The following AGPAT3 variants were observed in gnomAD, a reference collection of about 807,000 sequenced individuals.
AGPAT3 encodes 1-acylglycerol-3-phosphate O-acyltransferase 3.
In AGPAT3, 5 loss-of-function variants were observed where a neutral mutation model predicts 47.3. That is an observed-to-expected ratio of 0.11 (90% CI 0.06 to 0.22). The LOEUF is 0.22. Among genes scored for constraint, AGPAT3 ranks in the 10% least tolerant of loss-of-function variants. The pLI is 1.00. For missense variants in AGPAT3, 315 were observed against 493.0 expected, an observed-to-expected ratio of 0.64 and a Z score of 3.42; for synonymous variants, 212 against 208.3, an observed-to-expected ratio of 1.02 and a Z score of -0.15.
chr21:43,874,145 C>T (rs2085684076), intron 1 of AGPAT3, among the ~76,000 whole-genome samples: 1 of 152,226 alleles, frequency 6.6e-6, no homozygotes, highest in Admixed American at 6.5e-5. Context: ...CCTGCCTCAG[C>T]CACCTGAGTA....
chr21:43,912,112 CG>C (rs1289137710), intron 2 of AGPAT3, among the ~76,000 whole-genome samples: 2 of 152,228 alleles, frequency 1.3e-5, no homozygotes, highest in Non-Finnish European at 2.9e-5. Flanking sequence ...TGAGCATTGC[CG>C]TAAGTGTTCA....
rs2087554160 is a variant in AGPAT3, at chr21:43,939,085, G to A, written c.-48-20549G>A. ...AGGGCTGGGACGGGGCTGCGACCAG[G>A]CTAGGGGAGCATCCTGGGCAAACCC... is the stretch of plus-strand genomic sequence containing the variant. On this transcript the variant is annotated intron_variant, in intron 2 of 9. Transcript: ENST00000291572. The surrounding 1 kb of genome is among the most constrained non-coding windows in gnomAD (Gnocchi z 4.4). Among the ~76,000 whole-genome samples, 1 of 152,202 alleles carries A rather than the reference G, an allele frequency of 6.6e-6. No individual in the cohort carries two copies. The highest frequency in any genetic ancestry group is 1.5e-5 in the Non-Finnish European group (1 of 68,024).
chr21:43,954,449 A>T lies in AGPAT3; in HGVS notation c.-48-5185A>T, dbSNP rs1024243073. Reference sequence around the variant, plus strand: ...GGCAGGCGGGCGGGAGAGGCCCCTGAGTTCCGCTAGCTGGAATTAAGCAGG... The same window carrying T: ...GGCAGGCGGGCGGGAGAGGCCCCTGTGTTCCGCTAGCTGGAATTAAGCAGG... On this transcript the variant is annotated intron_variant, in intron 2 of 9. Transcript: ENST00000291572. The surrounding 1 kb of genome is among the most constrained non-coding windows in gnomAD (Gnocchi z 4.0). The T allele has an allele frequency of 1.3e-5, 2 of 152,374 alleles. No homozygotes were observed. The highest frequency in any genetic ancestry group is 4.8e-5 in the African/African-American group (2 of 41,468). The allele number at this position is 152,374 out of a possible 1,614,324, so 9.4% of individuals were successfully genotyped here. A position where few individuals can be genotyped will look rare whatever the true frequency, so the allele number is the denominator to read the frequency against.
rs988233588 is a variant in AGPAT3 at position 43,986,092 on chromosome 21, TC to T, written c.*3702del. The T allele has an allele frequency of 1.3e-5, 2 of 152,264 alleles. No homozygotes were observed. The highest frequency in any genetic ancestry group is 2.9e-5 in the Non-Finnish European group (2 of 68,062). The allele number at this position is 152,264 out of a possible 1,614,324, so 9.4% of individuals were successfully genotyped here. On this transcript the variant is annotated 3_prime_UTR_variant, in exon 10 of 10. Transcript: ENST00000291572. Reference sequence around the variant, plus strand: ...GGGGCCGACCTGGGGGATGCAGACATCCGGCTCCGTATTCCTGCCTATCGGG... The same window carrying T: ...GGGGCCGACCTGGGGGATGCAGACATCGGCTCCGTATTCCTGCCTATCGGG...
intron 2 of AGPAT3, among the ~76,000 whole-genome samples, chr21:43,923,126 G>A (rs909694140): frequency 1.7e-4 from 26 of 152,092 alleles, no homozygotes; most frequent in African/African-American, 2.9e-4. Flanking sequence ...CCAGCCAGGC[G>A]TGCCATGAGG....
chr21:43,888,766 G>A (rs560710821), intron 1 of AGPAT3, among the ~76,000 whole-genome samples: 2 of 152,298 alleles, frequency 1.3e-5, no homozygotes, highest in East Asian at 3.9e-4. Flanking sequence ...CAAGGCGAGC[G>A]GATCATGAGG....
rs187573858 is a variant in AGPAT3, at chr21:43,871,849, G to A, written c.-112+6504G>A. On this transcript the variant is annotated intron_variant, in intron 1 of 9. Coordinates refer to ENST00000291572, the MANE Select transcript of AGPAT3 (RefSeq NM_020132.5). ...TGCATTATATATTTTTCCCAGTTGG[G>A]TTTTATCTTTTCACTTTTTTTGTTT... Among the ~76,000 whole-genome samples the A allele has an allele frequency of 5.5e-4, 83 of 152,166 alleles. 1 individual carries two copies. Among genetic ancestry groups the A allele is most frequent in the Admixed American group, 2.0e-3 (30 of 15,286 alleles).
Position 43,985,595 on chromosome 21 carries a change from G to C in AGPAT3, c.*3203G>C, listed in dbSNP as rs2030207991. 1 of 250,802 alleles carries C rather than the reference G, an allele frequency of 4.0e-6. No individual in the cohort carries two copies. Among genetic ancestry groups the C allele is most frequent in the Non-Finnish European group, 7.9e-6 (1 of 127,362 alleles). 15.5% of individuals were successfully genotyped at this position (250,802 alleles called of 1,614,324 possible). On this transcript the variant is annotated 3_prime_UTR_variant, in exon 10 of 10. Coordinates refer to ENST00000291572, the MANE Select transcript of AGPAT3 (RefSeq NM_020132.5). ...TGTTTCACTCACGTGCAATTGAGTA[G>C]CTGTTGCCAGGCTGTCCATGCCTGT...
chr21:43,966,466 C>T (rs1183842250), intron 3 of AGPAT3: 1 of 152,150 alleles, frequency 6.6e-6, no homozygotes, highest in African/African-American at 2.4e-5. Context: ...ACTGCCTCTG[C>T]CCACAGGTGA....
chr21:43,961,115 C>T (rs373446637), intron 3 of AGPAT3, among the ~76,000 whole-genome samples: 1 of 151,560 alleles, frequency 6.6e-6, no homozygotes, highest in Non-Finnish European at 1.5e-5. Context: ...ACCACTCCAG[C>T]CTGGGCAACA....
At chr21:43,900,882 A>T (rs1331875031) in intron 1 of AGPAT3, among the ~76,000 whole-genome samples, 1 of 152,204 alleles carries the variant, frequency 6.6e-6, no homozygotes, top group African/African-American at 2.4e-5. Flanking sequence ...CAAAGCCCGG[A>T]GATGCAGGAC....
intron 1 of AGPAT3, among the ~76,000 whole-genome samples, chr21:43,873,488 C>T (rs978723808): frequency 6.6e-6 from 1 of 152,188 alleles, no homozygotes. Context: ...AGCGATTCTC[C>T]TGCCTCAGCC....
chr21:43,967,753 G>A, intron 3 of AGPAT3, 193 bp from the exon 4 acceptor site: 2 of 585,084 alleles, frequency 3.4e-6, no homozygotes, highest in Non-Finnish European at 5.9e-6. Context: ...CCTTCCATCT[G>A]TCTCCTCCCA....
chr21:43,866,545 ACT>A (rs2085510678), intron 1 of AGPAT3: 1 of 151,688 alleles, frequency 6.6e-6, no homozygotes, highest in South Asian at 2.1e-4. Context: ...GATGCTGAGC[ACT>A]CTCTTGATTT....
chr21:43,906,441 G>A (rs930831564), intron 2 of AGPAT3, among the ~76,000 whole-genome samples: 3 of 152,056 alleles, frequency 2.0e-5, no homozygotes, highest in Non-Finnish European at 2.9e-5. Flanking sequence ...CATCTGAAAA[G>A]GCATGCAACT....
chr21:43,919,108 C>G (rs983425446), intron 2 of AGPAT3, among the ~76,000 whole-genome samples: 7 of 152,042 alleles, frequency 4.6e-5, no homozygotes, highest in African/African-American at 1.7e-4. Context: ...GAGTGTCGTC[C>G]TTAAATGTTA....
At chr21:43,912,917 A>G (rs1270558798) in intron 2 of AGPAT3, among the ~76,000 whole-genome samples, 1 of 152,236 alleles carries the variant, frequency 6.6e-6, no homozygotes, top group Non-Finnish European at 1.5e-5. Context: ...GTGTTTGCCC[A>G]GCGAGTGAAA....
chr21:43,906,454 A>G (rs568697090), intron 2 of AGPAT3, among the ~76,000 whole-genome samples: 2 of 152,296 alleles, frequency 1.3e-5, no homozygotes, highest in Admixed American at 6.5e-5. Flanking sequence ...ATGCAACTCA[A>G]TTGGTTATCA....
In AGPAT3 at chr21:43,906,152, CT is replaced by C. The variant is rs747729949; in HGVS notation, c.-49+2137del. On this transcript the variant is annotated intron_variant, in intron 2 of 9. Coordinates refer to ENST00000291572, the MANE Select transcript of AGPAT3 (RefSeq NM_020132.5). ...GAAGGGCAGGTTGGAAACATTGTGT[CT>C]TTTGGGGCTAGTAGTAGCTGCAGAA... Among the ~76,000 whole-genome samples, 76 of 152,282 alleles carry C rather than the reference CT, an allele frequency of 5.0e-4. 1 individual carries two copies. The Middle Eastern group carries it at 0.01, about 20-fold the overall frequency.
Sources: allele counts gnomAD v4.1 joint callset (sites outside exome capture counted in the v4.1 genomes callset), GRCh38; gene constraint gnomAD v4.1.1; non-coding constraint Gnocchi (gnomAD v3.1); transcripts MANE v1.5; gene names NCBI Gene and HGNC (gene_info 2026-07-23, HGNC 2026-07-21).